PAICS: variants seen among roughly 807,000 people sequenced by gnomAD.
PAICS encodes phosphoribosylaminoimidazole carboxylase and phosphoribosylaminoimidazolesuccinocarboxamide synthase.
A neutral mutation model predicts 53.7 loss-of-function variants in PAICS; 33 were observed. The observed-to-expected ratio is 0.61, with a 90% CI of 0.47 to 0.82. The LOEUF is 0.82. PAICS is among the 40% of genes least tolerant of loss of function. The pLI, the probability that PAICS is intolerant of heterozygous loss-of-function variation, is 0.00. For synonymous variants in PAICS, 141 were observed against 167.2 expected (o/e 0.84, Z 1.21); for missense variants, 394 against 494.1 (o/e 0.80, Z 1.92).
At position 56,462,173 on chromosome 4, in the gene PAICS, T is replaced by C. The variant is rs1244531006; in HGVS notation, c.*2635T>C. 1.3e-5 allele frequency: 2 copies of C among 152,164 alleles called. No homozygotes were observed. Among genetic ancestry groups the C allele is most frequent in the African/African-American group, 2.4e-5 (1 of 41,444 alleles). 9.4% of individuals were successfully genotyped at this position (152,164 alleles called of 1,614,324 possible). The stretch of plus-strand genomic sequence containing the variant: ...GATGGGGATAAGAGGGGAAGGTTTT[T>C]GAGGAGAGCAGAGCAATGATGTAAA... On this transcript the variant is annotated 3_prime_UTR_variant, in exon 9 of 9. Transcript: ENST00000512576.
intron 5 of PAICS, 143 bp downstream of exon 5, chr4:56,448,966 T>C: frequency 1.6e-6 from 1 of 606,298 alleles, no homozygotes; most frequent in Non-Finnish European, 3.0e-6. Context: ...TAAAGATAAA[T>C]GTCTCTGGTA....
chr4:56,427,962 T>C, the PAICS span, among the ~76,000 whole-genome samples: 2 of 152,230 alleles, frequency 1.3e-5, no homozygotes, highest in Non-Finnish European at 2.9e-5. Flanking sequence ...CACTTCTCAC[T>C]AAAAGAAATT....
chr4:56,422,485 G>A, the PAICS span: 2 of 13,482 alleles, frequency 1.5e-4, no homozygotes, highest in Non-Finnish European at 3.2e-4. Context: ...TTTTGTACGT[G>A]TGTGTGTGTG....
At chr4:56,420,184 A>T in the PAICS span, 14 of 170,130 alleles carry the variant, frequency 8.2e-5, no homozygotes, top group African/African-American at 2.4e-5. Flanking sequence ...TTGCATATAC[A>T]TAGTGAGGTA....
At chr4:56,441,889 T>A in intron 2 of PAICS, 29 bp downstream of exon 2, 1 of 1,444,422 alleles carries the variant, frequency 6.9e-7, no homozygotes, top group Non-Finnish European at 9.5e-7. Flanking sequence ...GTCTCTTCTC[T>A]CACCTTCTCT....
At chr4:56,430,880 A>G (rs1717549107), upstream of PAICS, among the ~76,000 whole-genome samples, 1 of 151,998 alleles carries the variant, frequency 6.6e-6, no homozygotes, top group African/African-American at 2.4e-5. Flanking sequence ...GCTAGATTTC[A>G]GTTTGTATGT....
upstream of PAICS, among the ~76,000 whole-genome samples, chr4:56,432,692 G>A (rs1717658497): frequency 6.6e-6 from 1 of 151,430 alleles, no homozygotes; most frequent in African/African-American, 2.4e-5. Context: ...GGCTGAGGCA[G>A]GAGAATGGCG....
intron 7 of PAICS, among the ~76,000 whole-genome samples, chr4:56,452,326 C>T (rs950846236): frequency 3.3e-5 from 5 of 152,188 alleles, no homozygotes; most frequent in Admixed American, 2.6e-4. Context: ...CTACAGGCGC[C>T]CACCACCATG....
upstream of PAICS, chr4:56,431,393 G>A: frequency 1.0e-6 from 1 of 968,438 alleles, no homozygotes; most frequent in Non-Finnish European, 1.2e-6. Context: ...TGCCTTTCCA[G>A]TGGTAATGTT....
At chr4:56,437,801 CAGAG>C (rs34111955) in intron 1 of PAICS, among the ~76,000 whole-genome samples, 5 of 108,904 alleles carry the variant, frequency 4.6e-5, no homozygotes, top group Non-Finnish European at 6.7e-5. Context: ...AGCCTGGCGA[CAGAG>C]AGAGACTCTG....
intron 8 of PAICS, among the ~76,000 whole-genome samples, chr4:56,459,045 C>T (rs900492662): frequency 2.0e-5 from 3 of 152,150 alleles, no homozygotes; most frequent in Non-Finnish European, 2.9e-5. Context: ...TTCAGTTGTT[C>T]TTCGCCAGGG....
At chr4:56,433,011 A>T (rs2110071377), upstream of PAICS, among the ~76,000 whole-genome samples, 1 of 151,010 alleles carries the variant, frequency 6.6e-6, no homozygotes, top group East Asian at 1.9e-4. Flanking sequence ...ATATATATAT[A>T]TAAAACTAAA....
At chr4:56,413,105 A>G in the PAICS span, among the ~76,000 whole-genome samples, 1 of 152,054 alleles carries the variant, frequency 6.6e-6, no homozygotes, top group South Asian at 2.1e-4. Context: ...TCAGGAGGAT[A>G]TAATTACTTT....
At chr4:56,447,291 T>G (rs1307225591) in intron 3 of PAICS, among the ~76,000 whole-genome samples, 4 of 152,160 alleles carry the variant, frequency 2.6e-5, no homozygotes, top group Non-Finnish European at 5.9e-5. Context: ...TTAACCATCT[T>G]GATTTATGCT....
At chr4:56,410,668 A>T in the PAICS span, 1 of 986,510 alleles carries the variant, frequency 1.0e-6, no homozygotes, top group Non-Finnish European at 1.2e-6. Flanking sequence ...AATCATTAGG[A>T]GTATACAGAG....
At chr4:56,432,737 AC>A (rs1428780747), upstream of PAICS, among the ~76,000 whole-genome samples, 1 of 149,526 alleles carries the variant, frequency 6.7e-6, no homozygotes, top group Non-Finnish European at 1.5e-5. Context: ...GTGAGGGGAG[AC>A]TGCGCCACTG....
At chr4:56,424,254 C>T in the PAICS span, among the ~76,000 whole-genome samples, 1 of 152,302 alleles carries the variant, frequency 6.6e-6, no homozygotes, top group East Asian at 1.9e-4. Flanking sequence ...CAGCTGTAGA[C>T]CCCTTGGATT....
intron 1 of PAICS, among the ~76,000 whole-genome samples, chr4:56,437,845 A>T (rs1170654868): frequency 2.7e-5 from 4 of 149,698 alleles, no homozygotes; most frequent in South Asian, 2.1e-4. Flanking sequence ...AAAAAAAAAA[A>T]GCTGTAGACT....
Position 56,460,452 on chromosome 4 carries a change from A to T in PAICS, c.*914A>T, listed in dbSNP as rs1719450817. Reference sequence around the variant, plus strand: ...GTACAAAAGCCTCAAGTGAGGGTCAAATTCAACATTATCCTGATCTAGACA... The same window carrying T: ...GTACAAAAGCCTCAAGTGAGGGTCATATTCAACATTATCCTGATCTAGACA... On this transcript the variant is annotated 3_prime_UTR_variant, in exon 9 of 9. Transcript: ENST00000512576. The T allele has an allele frequency of 1.3e-5, 2 of 152,196 alleles. No homozygotes were observed. The highest frequency in any genetic ancestry group is 4.1e-4 in the South Asian group (2 of 4,832). The allele number at this position is 152,196 out of a possible 1,614,324, so 9.4% of individuals were successfully genotyped here. A position where few individuals can be genotyped will look rare whatever the true frequency, so the allele number is the denominator to read the frequency against.
Sources: allele counts gnomAD v4.1 joint callset (sites outside exome capture counted in the v4.1 genomes callset), GRCh38; gene constraint gnomAD v4.1.1; transcripts MANE v1.5; gene names NCBI Gene and HGNC (gene_info 2026-07-23, HGNC 2026-07-21).